The following NAALADL2 variants were observed in gnomAD, a reference collection of about 807,000 sequenced individuals.
NAALADL2 encodes inactive N-acetylated-alpha-linked acidic dipeptidase-like protein 2.
NAALADL2 carries 76 observed loss-of-function variants against 87.2 expected under a neutral mutation model. That is an observed-to-expected ratio of 0.87 (90% confidence interval 0.72 to 1.05). The LOEUF is 1.05. NAALADL2 is among the 50% of genes least tolerant of loss of function. NAALADL2 has a pLI of 0.00. For synonymous variants in NAALADL2, 354 were observed against 331.0 expected (o/e 1.07, Z -0.75); for missense variants, 1,089 against 945.8 (o/e 1.15, Z -1.99).
At chr3:175,338,890 A>T (rs62287018) in intron 5 of NAALADL2, among the ~76,000 whole-genome samples, 3 of 152,058 alleles carry the variant, frequency 2.0e-5, no homozygotes, top group Non-Finnish European at 4.4e-5. Flanking sequence ...GTGACTCATC[A>T]CTTGAGCTGC....
intron 11 of NAALADL2, among the ~76,000 whole-genome samples, chr3:175,628,611 C>A (rs9872277): frequency 0.15 from 19,215 of 131,558 alleles, 1,612 homozygotes; most frequent in African/African-American, 0.24. Context: ...TAATCTCTCT[C>A]TCTATGTATA....
At chr3:175,595,085 G>A (rs992693756) in intron 10 of NAALADL2, among the ~76,000 whole-genome samples, 14 of 151,984 alleles carry the variant, frequency 9.2e-5, no homozygotes, top group Admixed American at 7.2e-4. Context: ...GCCATTGCAC[G>A]AAGGGTATTT....
At chr3:175,433,017 G>A (rs1718020878) in intron 5 of NAALADL2, among the ~76,000 whole-genome samples, 1 of 151,966 alleles carries the variant, frequency 6.6e-6, no homozygotes, top group Non-Finnish European at 1.5e-5. Flanking sequence ...CAAGACCTGG[G>A]ATTTTCCGGC....
At chr3:174,962,706 G>A (rs2108567664) in intron 1 of NAALADL2, among the ~76,000 whole-genome samples, 1 of 151,902 alleles carries the variant, frequency 6.6e-6, no homozygotes. Context: ...CGATTATGAG[G>A]GACTTGATGC....
intron 6 of NAALADL2, among the ~76,000 whole-genome samples, chr3:175,452,266 C>T (rs1035812302): frequency 1.3e-5 from 2 of 151,404 alleles, no homozygotes; most frequent in African/African-American, 2.4e-5. Flanking sequence ...TCTTTCTCTC[C>T]CTCTATCCAC....
At chr3:175,797,958 G>GAT (rs1171993670) in intron 13 of NAALADL2, among the ~76,000 whole-genome samples, 2 of 152,002 alleles carry the variant, frequency 1.3e-5, no homozygotes, top group Non-Finnish European at 2.9e-5. Context: ...GAACATATGT[G>GAT]ATAACATGTA....
intron 11 of NAALADL2, among the ~76,000 whole-genome samples, chr3:175,657,503 T>G (rs531635012): frequency 5.6e-4 from 85 of 152,156 alleles, no homozygotes; most frequent in African/African-American, 2.0e-3. Flanking sequence ...AAATTTCTAC[T>G]TGTTTGCTAA....
At chr3:175,024,502 C>A (rs1297176065) in intron 1 of NAALADL2, among the ~76,000 whole-genome samples, 1 of 152,028 alleles carries the variant, frequency 6.6e-6, no homozygotes, top group African/African-American at 2.4e-5. Context: ...AATACAAAAT[C>A]ATTGTCCTTA....
chr3:175,038,418 T>C (rs1045926626), intron 1 of NAALADL2, among the ~76,000 whole-genome samples: 1 of 152,170 alleles, frequency 6.6e-6, no homozygotes, highest in Non-Finnish European at 1.5e-5. Flanking sequence ...ATGACCAACA[T>C]ACTACCTATT....
chr3:174,804,017 T>C (rs1284914676), intron 3 of NAALADL2, among the ~76,000 whole-genome samples: 1 of 152,210 alleles, frequency 6.6e-6, no homozygotes, highest in Admixed American at 6.5e-5. Context: ...AAGTCAATGG[T>C]AGCTTCATGG....
rs577602731 is a variant in NAALADL2 at position 174,928,108 on chromosome 3, CTGAA to C, written c.43+68662_43+68665del. Reference sequence around the variant, plus strand: ...AAGTCAGGAAATACAAATTTAAAAACTGAATGACAAAATGTAAGGAACTGATTGA... The same window carrying C: ...AAGTCAGGAAATACAAATTTAAAAACTGACAAAATGTAAGGAACTGATTGA... On this transcript the variant is annotated intron_variant, in intron 1 of 13. Coordinates refer to ENST00000454872, the MANE Select transcript of NAALADL2 (RefSeq NM_207015.3). 1.7e-4 allele frequency among the ~76,000 whole-genome samples: 26 copies of C among 152,168 alleles called. No homozygotes were observed. The South Asian group carries it at 5.2e-3, about 30-fold the overall frequency.
chr3:174,761,615 A>AG (rs1399519927), intron 3 of NAALADL2, among the ~76,000 whole-genome samples: 1 of 152,148 alleles, frequency 6.6e-6, no homozygotes, highest in Non-Finnish European at 1.5e-5. Flanking sequence ...CTTTTTAAGA[A>AG]AAATTTTTTT....
intron 5 of NAALADL2, among the ~76,000 whole-genome samples, chr3:175,379,745 C>T (rs562757557): frequency 6.6e-6 from 1 of 151,956 alleles, no homozygotes; most frequent in Non-Finnish European, 1.5e-5. Flanking sequence ...GTAAATATTC[C>T]TCAAAGGTTT....
At chr3:174,935,316 A>G (rs1231213912) in intron 1 of NAALADL2, among the ~76,000 whole-genome samples, 8 of 152,320 alleles carry the variant, frequency 5.3e-5, no homozygotes, top group East Asian at 1.9e-4. Flanking sequence ...AGATGCATGA[A>G]ATTTTCTCAC....
At chr3:174,861,841 G>A (rs796632923) in intron 1 of NAALADL2, among the ~76,000 whole-genome samples, 41 of 151,950 alleles carry the variant, frequency 2.7e-4, no homozygotes, top group African/African-American at 9.4e-4. Context: ...CATGTGCCCT[G>A]GTTAGTGGAG....
At chr3:174,485,951 T>C (rs1202211637) in intron 1 of NAALADL2, among the ~76,000 whole-genome samples, 1 of 152,012 alleles carries the variant, frequency 6.6e-6, no homozygotes, top group Non-Finnish European at 1.5e-5. Flanking sequence ...CTTCTGCATA[T>C]GGCTAGCCAA....
intron 2 of NAALADL2, among the ~76,000 whole-genome samples, chr3:174,661,587 T>A (rs560178721): frequency 7.9e-5 from 12 of 152,338 alleles, no homozygotes; most frequent in African/African-American, 2.9e-4. Flanking sequence ...CCTTTTTTAA[T>A]GTAATTTGTA....
chr3:175,674,433 T>TC (rs202242281), intron 11 of NAALADL2, among the ~76,000 whole-genome samples: 3,086 of 152,046 alleles, frequency 0.02, 115 homozygotes, highest in African/African-American at 0.071. Flanking sequence ...CTAATGTTTT[T>TC]TTTTGCATTT....
At chr3:174,481,224 C>T (rs1425827666) in intron 1 of NAALADL2, among the ~76,000 whole-genome samples, 1 of 151,990 alleles carries the variant, frequency 6.6e-6, no homozygotes, top group Non-Finnish European at 1.5e-5. Flanking sequence ...ATAGCATTAG[C>T]ACTATAATTC....
Sources: gnomAD v4.1 joint callset for allele counts (sites outside exome capture counted in the v4.1 genomes callset) on GRCh38, gnomAD v4.1.1 for gene constraint, MANE v1.5 for transcripts, NCBI Gene and HGNC (gene_info 2026-07-23, HGNC 2026-07-21) for gene names.